The following DTNBP1 variants were observed in gnomAD, a reference collection of about 807,000 sequenced individuals.
DTNBP1 encodes dystrobrevin binding protein 1, also known as dysbindin.
DTNBP1 carries 35 observed loss-of-function variants against 42.8 expected under a neutral mutation model. The observed-to-expected ratio is 0.82, with a 90% CI of 0.63 to 1.09. The LOEUF (loss-of-function observed/expected upper bound fraction) is 1.09, where lower values mean the gene tolerates loss of function less well. Among genes scored for constraint, DTNBP1 ranks in the 50% least tolerant of loss-of-function variants. DTNBP1 has a pLI of 0.00. For missense variants in DTNBP1, 457 were observed against 424.2 expected, an observed-to-expected ratio of 1.08 and a Z score of -0.68; for synonymous variants, 171 against 162.2, an observed-to-expected ratio of 1.05 and a Z score of -0.41.
At chr6:15,523,638 G>A in intron 9 of DTNBP1, 1 of 1,287,030 alleles carries the variant, frequency 7.8e-7, no homozygotes. Context: ...ACCTTCAGCA[G>A]TTCTCCAATT....
intron 6 of DTNBP1, among the ~76,000 whole-genome samples, chr6:15,605,193 C>T (rs1410331482): frequency 6.6e-6 from 1 of 152,142 alleles, no homozygotes. Flanking sequence ...TCAAATTACA[C>T]ACTTATGGAT....
intron 5 of DTNBP1, among the ~76,000 whole-genome samples, chr6:15,616,886 C>A (rs367877757): frequency 7.2e-5 from 11 of 152,118 alleles, no homozygotes; most frequent in African/African-American, 2.7e-4. Context: ...AAAGCGCCAC[C>A]AAAAAAACTT....
intron 6 of DTNBP1, among the ~76,000 whole-genome samples, chr6:15,609,195 T>A (rs1758253523): frequency 1.3e-5 from 2 of 152,016 alleles, no homozygotes; most frequent in African/African-American, 4.8e-5. Context: ...ACTTTTAAGT[T>A]ATAGGGTGCA....
intron 7 of DTNBP1, among the ~76,000 whole-genome samples, chr6:15,581,815 T>A (rs1775852830): frequency 6.6e-6 from 1 of 152,174 alleles, no homozygotes; most frequent in African/African-American, 2.4e-5. Context: ...GAAATCAGCA[T>A]CTGCAATAGA....
chr6:15,582,003 T>A (rs1420199957), intron 7 of DTNBP1, among the ~76,000 whole-genome samples: 2 of 152,076 alleles, frequency 1.3e-5, no homozygotes, highest in East Asian at 1.9e-4. Flanking sequence ...CTTTTTTTTT[T>A]AAACACTGGG....
At chr6:15,624,884 A>G (rs1182302670) in intron 5 of DTNBP1, among the ~76,000 whole-genome samples, 2 of 152,226 alleles carry the variant, frequency 1.3e-5, no homozygotes, top group Admixed American at 6.5e-5. Flanking sequence ...AGACTGATAC[A>G]TAAATGCATC....
intron 6 of DTNBP1, 101 bp from the exon 7 acceptor site, chr6:15,593,182 C>T: frequency 1.8e-6 from 2 of 1,082,506 alleles, no homozygotes; most frequent in Non-Finnish European, 2.7e-6. Flanking sequence ...CTTTAAATGC[C>T]CACAGTGGTA....
intron 6 of DTNBP1, among the ~76,000 whole-genome samples, chr6:15,599,772 C>T (rs769616598): frequency 2.6e-5 from 4 of 151,994 alleles, no homozygotes; most frequent in Non-Finnish European, 5.9e-5. Flanking sequence ...AATGACTAGT[C>T]CACAGCAACT....
chr6:15,630,634 C>A (rs974432261), intron 4 of DTNBP1, among the ~76,000 whole-genome samples: 1 of 152,098 alleles, frequency 6.6e-6, no homozygotes, highest in East Asian at 1.9e-4. Flanking sequence ...AAAGCCTAGA[C>A]AGGCTGGGTG....
In DTNBP1 at chr6:15,661,366, G is replaced by C. The variant is rs565867947; in HGVS notation, c.56+1448C>G. ...GAGAACTTGTCACTTTAAAAAAAAG[G>C]GGGGGAGGGTGGGCCGGGAACGGTG... On this transcript the variant is annotated intron_variant, in intron 1 of 9. Coordinates refer to ENST00000344537, the MANE Select transcript of DTNBP1 (RefSeq NM_032122.5). Among the ~76,000 whole-genome samples, 13 of 151,358 alleles carry C rather than the reference G, an allele frequency of 8.6e-5. 1 individual carries two copies. Among genetic ancestry groups the C allele is most frequent in the Non-Finnish European group, 1.3e-4 (9 of 67,758 alleles).
intron 7 of DTNBP1, among the ~76,000 whole-genome samples, chr6:15,564,987 T>C (rs1266855915): frequency 1.3e-5 from 2 of 152,156 alleles, no homozygotes; most frequent in Non-Finnish European, 2.9e-5. Context: ...GTTCCTGTAG[T>C]CCTAGCTACT....
intron 4 of DTNBP1, among the ~76,000 whole-genome samples, chr6:15,632,088 C>T (rs1759728007): frequency 6.6e-6 from 1 of 152,098 alleles, no homozygotes; most frequent in South Asian, 2.1e-4. Flanking sequence ...TTCTCTTCTG[C>T]AATATGCCTG....
chr6:15,549,732 C>T (rs1019399049), intron 7 of DTNBP1, among the ~76,000 whole-genome samples: 6 of 152,078 alleles, frequency 3.9e-5, no homozygotes, highest in Non-Finnish European at 8.8e-5. Context: ...TAGCTGTCGA[C>T]CAAACCGAAG....
intron 7 of DTNBP1, among the ~76,000 whole-genome samples, chr6:15,583,445 A>C (rs1405900329): frequency 1.3e-5 from 2 of 152,196 alleles, no homozygotes; most frequent in Admixed American, 1.3e-4. Flanking sequence ...AGAAAAGTAC[A>C]AACTCCATCC....
chr6:15,557,015 C>T (rs1388956814), intron 7 of DTNBP1, among the ~76,000 whole-genome samples: 2 of 152,148 alleles, frequency 1.3e-5, no homozygotes, highest in African/African-American at 4.8e-5. Context: ...GTGGAGTTGG[C>T]CATGCCCCTT....
At chr6:15,595,166 G>A in intron 6 of DTNBP1, 2 of 452,970 alleles carry the variant, frequency 4.4e-6, no homozygotes, top group South Asian at 3.1e-5. Flanking sequence ...AATCATTCCT[G>A]TACCCAATTC....
chr6:15,648,595 A>G (rs962685547), intron 3 of DTNBP1, among the ~76,000 whole-genome samples: 4 of 152,060 alleles, frequency 2.6e-5, no homozygotes, highest in Non-Finnish European at 5.9e-5. Flanking sequence ...GTTTCTATAT[A>G]CTACCAATAA....
chr6:15,551,484 T>C, intron 7 of DTNBP1, among the ~76,000 whole-genome samples: 1 of 152,160 alleles, frequency 6.6e-6, no homozygotes, highest in East Asian at 1.9e-4. Context: ...ACCTGATGGT[T>C]CTCCAAAGAA....
chr6:15,524,086 C>A, intron 9 of DTNBP1: 1 of 1,321,792 alleles, frequency 7.6e-7, no homozygotes, highest in Non-Finnish European at 9.9e-7. Context: ...ACAACACAGG[C>A]CAAGAGCTGA....
Sources: allele counts gnomAD v4.1 joint callset (sites outside exome capture counted in the v4.1 genomes callset), GRCh38; gene constraint gnomAD v4.1.1; transcripts MANE v1.5; gene names NCBI Gene and HGNC (gene_info 2026-07-23, HGNC 2026-07-21).